Variants in TEX11 observed in about 807,000 individuals in gnomAD.
The protein encoded by TEX11 is testis-expressed protein 11.
A neutral mutation model predicts 84.4 loss-of-function variants in TEX11; 7 were observed. That is an observed-to-expected ratio of 0.08 (90% CI 0.05 to 0.16). The LOEUF is 0.16. Ranked by LOEUF, TEX11 falls within the 10% of genes least tolerant of loss-of-function variation. The pLI, the probability that TEX11 is intolerant of heterozygous loss-of-function variation, is 1.00. For missense variants in TEX11, 551 were observed against 660.5 expected, an observed-to-expected ratio of 0.83 and a Z score of 1.82; for synonymous variants, 264 against 222.8, an observed-to-expected ratio of 1.18 and a Z score of -1.64.
chrX:70,682,983 A>G (rs752824504), intron 13 of TEX11, among the ~76,000 whole-genome samples, 158 bp from the exon 14 acceptor site: 1 of 112,051 alleles, frequency 8.9e-6, no homozygotes, highest in Admixed American at 9.4e-5. Flanking sequence ...TAATTTGTCA[A>G]TATTACATGA....
In TEX11 at chrX:70,776,099, C is replaced by T. The variant is rs766559641; in HGVS notation, c.692+30606G>A. Among the ~76,000 whole-genome samples the T allele has an allele frequency of 3.9e-3, 419 of 108,608 alleles. 3 individuals are homozygous for T. Among genetic ancestry groups the T allele is most frequent in the Non-Finnish European group, 7.0e-3 (368 of 52,340 alleles). 94.3% of individuals were successfully genotyped at this position (108,608 alleles called of 115,157 possible). A position where few individuals can be genotyped will look rare whatever the true frequency, so the allele number is the denominator to read the frequency against. ...ATAGAACTATATATGATATAGCAAT[C>T]CCACTACTGGGTATTTATCTGAAGG... On this transcript the variant is annotated intron_variant, in intron 9 of 29. Coordinates refer to ENST00000374333, the MANE Select transcript of TEX11 (RefSeq NM_031276.3).
chrX:70,845,025 C>G (rs974089138), intron 7 of TEX11, among the ~76,000 whole-genome samples: 1 of 111,717 alleles, frequency 9.0e-6, no homozygotes, highest in African/African-American at 3.3e-5. Context: ...AAAGCTCAAA[C>G]TTTTTCACTG....
At chrX:70,716,631 C>A (rs1417425038) in intron 13 of TEX11, among the ~76,000 whole-genome samples, 1 of 112,560 alleles carries the variant, frequency 8.9e-6, no homozygotes, top group Non-Finnish European at 1.9e-5. Flanking sequence ...TTGCTAATAC[C>A]ATTGGAAAAG....
At chrX:70,879,415 A>G (rs1442710509) in intron 3 of TEX11, among the ~76,000 whole-genome samples, 1 of 111,344 alleles carries the variant, frequency 9.0e-6, no homozygotes, top group East Asian at 2.8e-4. Flanking sequence ...CTTTCCATAC[A>G]AGTAGTCACC....
chrX:70,742,106 GC>G (rs2090737178), intron 10 of TEX11, among the ~76,000 whole-genome samples: 1 of 110,685 alleles, frequency 9.0e-6, no homozygotes, highest in African/African-American at 3.3e-5. Flanking sequence ...ACAGCAACAA[GC>G]CCACTCATGC....
intron 19 of TEX11, among the ~76,000 whole-genome samples, chrX:70,624,343 T>C (rs1270043446): frequency 8.9e-6 from 1 of 111,778 alleles, no homozygotes; most frequent in Non-Finnish European, 1.9e-5. Context: ...GTCTTTATCT[T>C]TCTCTTTCTG....
chrX:70,530,712 G>A (rs1282253521), intron 28 of TEX11, among the ~76,000 whole-genome samples: 1 of 112,138 alleles, frequency 8.9e-6, no homozygotes, highest in African/African-American at 3.2e-5. Context: ...TTTTGAGAGT[G>A]TCAAGAATGC....
intron 28 of TEX11, among the ~76,000 whole-genome samples, chrX:70,542,324 G>A (rs2088056455): frequency 9.0e-6 from 1 of 111,160 alleles, no homozygotes; most frequent in African/African-American, 3.3e-5. Flanking sequence ...CACTGAATCT[G>A]CCAGTGTCTT....
chrX:70,755,590 G>A (rs747940443), intron 9 of TEX11, among the ~76,000 whole-genome samples: 1 of 112,159 alleles, frequency 8.9e-6, no homozygotes, highest in Admixed American at 9.5e-5. Context: ...CAGAGAAAGA[G>A]ATAAGATTAG....
chrX:70,825,753 A>G (rs965542713), intron 8 of TEX11, among the ~76,000 whole-genome samples: 1 of 106,469 alleles, frequency 9.4e-6, no homozygotes, highest in South Asian at 4.1e-4. Context: ...AGGTGGGTGG[A>G]TCACCTGAGG....
chrX:70,764,480 G>C (rs2090927562), intron 9 of TEX11, among the ~76,000 whole-genome samples: 2 of 111,604 alleles, frequency 1.8e-5, no homozygotes, highest in South Asian at 7.4e-4. Context: ...ATACAGGTCA[G>C]AGCAGAAATA....
Position 70,588,973 on chromosome X carries a change from T to A in TEX11, c.2140+2778A>T, listed in dbSNP as rs143321333. Among the ~76,000 whole-genome samples the A allele has an allele frequency of 8.4e-5, 9 of 107,329 alleles. No homozygotes were observed. In the East Asian group the frequency reaches 2.3e-3, roughly 28 times the overall value. 93.2% of individuals were successfully genotyped at this position (107,329 alleles called of 115,157 possible). ...GAAAGAAATATCTAGAATAGGCAAA[T>A]TCATAGAGGCAGTAAGCATATGAGA... On this transcript the variant is annotated intron_variant, in intron 25 of 29. Transcript: ENST00000374333.
At chrX:70,907,510 G>A (rs1244745084) in intron 2 of TEX11, among the ~76,000 whole-genome samples, 5 of 110,984 alleles carry the variant, frequency 4.5e-5, no homozygotes, top group African/African-American at 1.3e-4. Context: ...AGGTTCAAGC[G>A]ATTCTCTTGC....
intron 9 of TEX11, among the ~76,000 whole-genome samples, chrX:70,789,908 A>T (rs1292301467): frequency 1.8e-5 from 2 of 112,507 alleles, no homozygotes; most frequent in Non-Finnish European, 3.7e-5. Flanking sequence ...TAAATGGATT[A>T]AAAAATGTAG....
intron 15 of TEX11, among the ~76,000 whole-genome samples, chrX:70,677,059 A>T (rs1187806841): frequency 8.9e-6 from 1 of 112,050 alleles, no homozygotes; most frequent in Non-Finnish European, 1.9e-5. Context: ...TCTCCTCATT[A>T]TAGGTTGCAT....
intron 5 of TEX11, among the ~76,000 whole-genome samples, chrX:70,858,127 G>A (rs1159539025): frequency 9.2e-6 from 1 of 108,932 alleles, no homozygotes; most frequent in Non-Finnish European, 1.9e-5. Context: ...GGTGATGGGT[G>A]CACCAAAATC....
At chrX:70,521,246 G>C in the TEX11 span, among the ~76,000 whole-genome samples, 1 of 110,751 alleles carries the variant, frequency 9.0e-6, no homozygotes, top group African/African-American at 3.3e-5. Context: ...CTGTAGACCA[G>C]AGCTGTTCCT....
intron 25 of TEX11, among the ~76,000 whole-genome samples, chrX:70,557,186 G>A (rs1273938751): frequency 2.7e-5 from 3 of 109,804 alleles, no homozygotes; most frequent in African/African-American, 9.9e-5. Flanking sequence ...TAAAGAACAA[G>A]GACCAGGCAC....
chrX:70,525,141 A>G (rs1457402376), downstream of TEX11, among the ~76,000 whole-genome samples: 3 of 111,507 alleles, frequency 2.7e-5, no homozygotes, highest in Non-Finnish European at 3.8e-5. Context: ...TGATTGAGCC[A>G]CTGCACTGTG....
Sources: gnomAD v4.1 joint callset for allele counts (sites outside exome capture counted in the v4.1 genomes callset) on GRCh38, gnomAD v4.1.1 for gene constraint, MANE v1.5 for transcripts, NCBI Gene and HGNC (gene_info 2026-07-23, HGNC 2026-07-21) for gene names.